PTPRD: variants seen among roughly 807,000 people sequenced by gnomAD.
The protein encoded by PTPRD is protein tyrosine phosphatase receptor type D, also known as receptor-type tyrosine-protein phosphatase delta.
A neutral mutation model predicts 214.5 loss-of-function variants in PTPRD; 34 were observed. That is an observed-to-expected ratio of 0.16 (90% CI 0.12 to 0.21). The LOEUF (loss-of-function observed/expected upper bound fraction) is 0.21. PTPRD is among the 10% of genes least tolerant of loss of function. The pLI is 1.00. For missense variants in PTPRD, 2,545 were observed against 2,398.7 expected (o/e 1.06, Z -1.27); for synonymous variants, 1,128 against 845.7 (o/e 1.33, Z -5.79).
chr9:9,694,249 T>A (rs543675976), intron 7 of PTPRD, among the ~76,000 whole-genome samples: 1 of 152,118 alleles, frequency 6.6e-6, no homozygotes, highest in East Asian at 1.9e-4. Context: ...TTGGGAAGGT[T>A]TTCCAGGTAT....
intron 2 of PTPRD, among the ~76,000 whole-genome samples, chr9:10,351,780 A>C (rs2097187674): frequency 6.6e-6 from 1 of 152,004 alleles, no homozygotes; most frequent in Non-Finnish European, 1.5e-5. Context: ...TTGAGGAATG[A>C]AAATTTGAAA....
chr9:9,133,575 T>TA (rs967907607), intron 10 of PTPRD, among the ~76,000 whole-genome samples: 5 of 152,180 alleles, frequency 3.3e-5, no homozygotes, highest in African/African-American at 4.8e-5. Flanking sequence ...TGAGTTGTTA[T>TA]AAAAAAACTC....
chr9:8,905,171 C>G (rs1455909242), intron 11 of PTPRD, among the ~76,000 whole-genome samples: 1 of 152,128 alleles, frequency 6.6e-6, no homozygotes, highest in African/African-American at 2.4e-5. Context: ...ATGTAACATG[C>G]AAATCAATCC....
chr9:8,376,618 C>A lies in PTPRD; in HGVS notation c.4495G>T (p.Ala1499Ser), dbSNP rs147772738. 6.2e-7 allele frequency: 1 copy of A among 1,612,712 alleles called. No individual in the cohort carries two copies. The highest frequency in any genetic ancestry group is 8.5e-7 in the Non-Finnish European group (1 of 1,179,186). ...GATGAAAAGCAAACCTTGTAAAGTG[C>A]AAATGTTCGAACACAATATGTGGCC... is the stretch of plus-strand genomic sequence containing the variant. Reference protein sequence around the residue: ...ELATYCVRTFALYKNGSSEKR... With the variant: ...ELATYCVRTFSLYKNGSSEKR... Residue 1499 changes from alanine (A) to serine (S), a missense_variant, in exon 38 of 46, where the codon GCA becomes TCA. Coordinates refer to ENST00000381196, the MANE Select transcript of PTPRD (RefSeq NM_002839.4).
At chr9:8,983,783 C>A (rs1428032552) in intron 11 of PTPRD, among the ~76,000 whole-genome samples, 3 of 152,020 alleles carry the variant, frequency 2.0e-5, no homozygotes, top group African/African-American at 7.2e-5. Flanking sequence ...TCCCAAAGCA[C>A]TGGGATTACA....
chr9:8,405,538 T>A (rs1050724689), intron 35 of PTPRD, among the ~76,000 whole-genome samples: 1 of 152,078 alleles, frequency 6.6e-6, no homozygotes, highest in Non-Finnish European at 1.5e-5. Flanking sequence ...CAAATTCAGG[T>A]TTGATCATAA....
At chr9:9,723,431 T>A (rs948627029) in intron 7 of PTPRD, among the ~76,000 whole-genome samples, 8 of 152,066 alleles carry the variant, frequency 5.3e-5, no homozygotes, top group African/African-American at 1.9e-4. Flanking sequence ...TTGATTCTCA[T>A]GGTTTTATAG....
intron 39 of PTPRD, among the ~76,000 whole-genome samples, chr9:8,368,430 T>G (rs896101233): frequency 3.9e-5 from 6 of 152,166 alleles, no homozygotes; most frequent in Non-Finnish European, 7.4e-5. Flanking sequence ...GGATTGGTGA[T>G]AGGTTCTCAG....
chr9:9,592,421 T>C (rs1038164048), intron 7 of PTPRD, among the ~76,000 whole-genome samples: 2 of 152,084 alleles, frequency 1.3e-5, no homozygotes, highest in African/African-American at 2.4e-5. Context: ...ATATACAATA[T>C]GAAAAATAAT....
At chr9:9,627,995 C>A (rs913304212) in intron 7 of PTPRD, among the ~76,000 whole-genome samples, 1 of 152,044 alleles carries the variant, frequency 6.6e-6, no homozygotes, top group Non-Finnish European at 1.5e-5. Context: ...GTTGGATACT[C>A]TTCAACAACT....
chr9:9,987,571 G>A (rs777779596), intron 4 of PTPRD, among the ~76,000 whole-genome samples: 10 of 152,108 alleles, frequency 6.6e-5, no homozygotes, highest in Non-Finnish European at 1.3e-4. Context: ...CAACATGTGG[G>A]AATTATGGGA....
intron 2 of PTPRD, among the ~76,000 whole-genome samples, chr9:10,574,557 G>C (rs571853307): frequency 6.6e-6 from 1 of 152,016 alleles, no homozygotes; most frequent in East Asian, 1.9e-4. Flanking sequence ...TCATTTCTAA[G>C]CTCTGGCTAA....
chr9:9,321,355 C>A (rs200951038), intron 9 of PTPRD, among the ~76,000 whole-genome samples: 1 of 151,946 alleles, frequency 6.6e-6, no homozygotes, highest in African/African-American at 2.4e-5. Flanking sequence ...CGGGAGTTCA[C>A]GACCAGCCTG....
At chr9:9,745,797 C>A (rs2098451606) in intron 6 of PTPRD, among the ~76,000 whole-genome samples, 1 of 152,006 alleles carries the variant, frequency 6.6e-6, no homozygotes, top group African/African-American at 2.4e-5. Flanking sequence ...GTTCCCTGAC[C>A]CCATCACAGT....
At chr9:10,494,582 T>C (rs1423423494) in intron 2 of PTPRD, among the ~76,000 whole-genome samples, 1 of 150,958 alleles carries the variant, frequency 6.6e-6, no homozygotes, top group Non-Finnish European at 1.5e-5. Flanking sequence ...GTTTACCTGC[T>C]GTATGTAAGG....
intron 5 of PTPRD, among the ~76,000 whole-genome samples, chr9:9,818,808 C>G (rs894236997): frequency 1.3e-5 from 2 of 149,502 alleles, no homozygotes; most frequent in African/African-American, 2.5e-5. Context: ...CCCAGCTACT[C>G]GGGAGGCTGA....
At chr9:8,915,441 G>A (rs896414507) in intron 11 of PTPRD, among the ~76,000 whole-genome samples, 2 of 152,178 alleles carry the variant, frequency 1.3e-5, no homozygotes, top group Non-Finnish European at 2.9e-5. Flanking sequence ...ACCACTGCAT[G>A]TATTAGTGGG....
At chr9:10,523,053 G>A (rs112002783) in intron 2 of PTPRD, among the ~76,000 whole-genome samples, 12 of 151,860 alleles carry the variant, frequency 7.9e-5, no homozygotes, top group African/African-American at 1.4e-4. Flanking sequence ...CCTGTTTCAC[G>A]TTTGTTGGAT....
At chr9:10,509,051 A>G (rs2047055772) in intron 2 of PTPRD, among the ~76,000 whole-genome samples, 1 of 152,090 alleles carries the variant, frequency 6.6e-6, no homozygotes, top group Non-Finnish European at 1.5e-5. Flanking sequence ...ACCTGCTATG[A>G]TTCTCCACTG....
Sources: allele counts gnomAD v4.1 joint callset (sites outside exome capture counted in the v4.1 genomes callset), GRCh38; gene constraint gnomAD v4.1.1; transcripts MANE v1.5; gene names NCBI Gene and HGNC (gene_info 2026-07-23, HGNC 2026-07-21).